The following NAA35 variants were observed in gnomAD, a reference collection of about 807,000 sequenced individuals.
NAA35 encodes the protein MAK10 homolog, amino-acid N-acetyltransferase subunit.
In NAA35, 18 loss-of-function variants were observed where a neutral mutation model predicts 101.7. The observed-to-expected ratio is 0.18, with a 90% CI of 0.12 to 0.26. The LOEUF (loss-of-function observed/expected upper bound fraction) is 0.26, where lower values mean the gene tolerates loss of function less well. Among genes scored for constraint, NAA35 ranks in the 10% least tolerant of loss-of-function variants. NAA35 has a pLI of 1.00. For missense variants in NAA35, 601 were observed against 886.8 expected (o/e 0.68, Z 4.09); for synonymous variants, 267 against 273.1 (o/e 0.98, Z 0.22).
chr9:85,959,658 AGAT>A (rs1465485794), intron 4 of NAA35, 132 bp from the exon 5 acceptor site: 1 of 557,790 alleles, frequency 1.8e-6, no homozygotes, highest in African/African-American at 1.9e-5. Flanking sequence ...TAGTTTTATC[AGAT>A]GATAAGATAG....
chr9:85,996,616 TA>T (rs752645607), intron 12 of NAA35, 39 bp downstream of exon 12: 83 of 1,412,078 alleles, frequency 5.9e-5, no homozygotes, highest in Middle Eastern at 2.6e-4. Context: ...AACTTCCATT[TA>T]AAAAAAATTG....
At chr9:85,963,645 T>C (rs1829619390) in intron 6 of NAA35, among the ~76,000 whole-genome samples, 2 of 152,184 alleles carry the variant, frequency 1.3e-5, no homozygotes, top group Non-Finnish European at 2.9e-5. Flanking sequence ...TGTATTGATA[T>C]GGGTATCATT....
intron 17 of NAA35, among the ~76,000 whole-genome samples, 189 bp downstream of exon 17, chr9:86,014,086 A>G (rs1482931652): frequency 1.3e-5 from 2 of 152,184 alleles, no homozygotes; most frequent in African/African-American, 4.8e-5. Context: ...GCATGAGTGT[A>G]TTTTTCCAAA....
In NAA35 at chr9:86,022,770, C is replaced by T. The variant is rs575842901; in HGVS notation, c.*810C>T. ...TCTGGCTTTGAAAAACTGACTACAT[C>T]CCCCTGTGCTTGCAAGTGCCTGCTG... On this transcript the variant is annotated 3_prime_UTR_variant, in exon 23 of 23. Transcript: ENST00000361671. 1.4e-3 allele frequency among the ~76,000 whole-genome samples: 214 copies of T among 152,266 alleles called. 3 individuals carry two copies. Among genetic ancestry groups the T allele is most frequent in the South Asian group, 1.2e-3 (6 of 4,826 alleles).
intron 14 of NAA35, among the ~76,000 whole-genome samples, chr9:86,007,745 C>CA (rs1831712374): frequency 6.6e-6 from 1 of 152,154 alleles, no homozygotes; most frequent in Admixed American, 6.5e-5. Context: ...AACATGCTGC[C>CA]ATCAGAGGCT....
chr9:85,941,271 T>C lies in NAA35; in HGVS notation c.-8T>C. Reference sequence around the variant, plus strand: ...GCGGCGCGGGTGACCACGGGAGAAGTAGGTAGGGACCGCCCCTGCGTAGCC... The same window carrying C: ...GCGGCGCGGGTGACCACGGGAGAAGCAGGTAGGGACCGCCCCTGCGTAGCC... On this transcript the variant is annotated splice_region_variant and 5_prime_UTR_variant, in exon 1 of 23. Coordinates refer to ENST00000361671, the MANE Select transcript of NAA35 (RefSeq NM_024635.4). The C allele has an allele frequency of 1.0e-6, 1 of 985,534 alleles. No individual in the cohort carries two copies. Among genetic ancestry groups the C allele is most frequent in the Non-Finnish European group, 1.2e-6 (1 of 830,136 alleles). The allele number at this position is 985,534 out of a possible 1,614,324, so 61.0% of individuals were successfully genotyped here.
rs532152146 is a variant in NAA35 at position 85,944,400 on chromosome 9, G to GATGAAA, written c.124+2119_124+2124dup. 2.0e-4 allele frequency among the ~76,000 whole-genome samples: 30 copies of GATGAAA among 152,336 alleles called. No individual in the cohort carries two copies. In the East Asian group the frequency reaches 5.0e-3, roughly 25 times the overall value. ...ACCAGCATAATTTATGATGGATTAG[G>GATGAAA]ATGAAAAGAGTCTACTTAGACAAGG... is the stretch of plus-strand genomic sequence containing the variant. On this transcript the variant is annotated intron_variant, in intron 2 of 22. Transcript: ENST00000361671.
chr9:86,018,941 G>T (rs749889650), intron 21 of NAA35, 120 bp downstream of exon 21: 42 of 1,264,022 alleles, frequency 3.3e-5, no homozygotes, highest in Non-Finnish European at 4.4e-5. Context: ...AGAACTTGGC[G>T]TGTTTCTGCG....
intron 12 of NAA35, among the ~76,000 whole-genome samples, chr9:86,001,869 C>G (rs73476917): frequency 0.085 from 12,894 of 152,020 alleles, 1,808 homozygotes; most frequent in African/African-American, 0.29. Context: ...CGTTTACATT[C>G]AGGTTAGTAT....
intron 2 of NAA35, among the ~76,000 whole-genome samples, chr9:85,944,652 A>T (rs1828680064): frequency 6.6e-6 from 1 of 152,232 alleles, no homozygotes; most frequent in Admixed American, 6.5e-5. Flanking sequence ...TGGAGTTCAA[A>T]GTACCTTGAT....
chr9:86,013,190 A>G (rs376249473), intron 16 of NAA35, 46 bp downstream of exon 16: 6 of 1,183,492 alleles, frequency 5.1e-6, no homozygotes, highest in East Asian at 4.7e-5. Flanking sequence ...TGATGCACAC[A>G]CTTTGTCCAG....
chr9:85,972,163 A>G (rs1275497053), intron 6 of NAA35, among the ~76,000 whole-genome samples: 1 of 152,084 alleles, frequency 6.6e-6, no homozygotes, highest in Non-Finnish European at 1.5e-5. Flanking sequence ...TTTTATGGAT[A>G]TTTTTGTTTT....
chr9:85,996,151 C>T (rs1831146311), intron 11 of NAA35, among the ~76,000 whole-genome samples: 1 of 152,072 alleles, frequency 6.6e-6, no homozygotes, highest in African/African-American at 2.4e-5. Context: ...TAGAAACTCC[C>T]CTCCATCACC....
Position 86,024,458 on chromosome 9 carries a change from C to A in NAA35, c.*2498C>A, listed in dbSNP as rs954283304. On this transcript the variant is annotated 3_prime_UTR_variant, in exon 23 of 23. Coordinates refer to ENST00000361671, the MANE Select transcript of NAA35 (RefSeq NM_024635.4). ...TCTACTGAAGGCTTGTATGCAGGGA[C>A]ATGATGGGATCAAGTCAAATCTGCT... Among the ~76,000 whole-genome samples, 1 of 152,094 alleles carries A rather than the reference C, an allele frequency of 6.6e-6. No homozygotes were observed. The highest frequency in any genetic ancestry group is 2.4e-5 in the African/African-American group (1 of 41,398).
intron 12 of NAA35, among the ~76,000 whole-genome samples, chr9:86,003,372 G>GT (rs969263131): frequency 1.3e-5 from 2 of 152,004 alleles, no homozygotes; most frequent in African/African-American, 2.4e-5. Context: ...TGATTGGTCA[G>GT]TTTTTTTAAG....
rs140252045 is a variant in NAA35 at position 86,025,233 on chromosome 9, C to T, written c.*3273C>T. Among the ~76,000 whole-genome samples the T allele has an allele frequency of 4.3e-4, 66 of 152,186 alleles. No individual in the cohort carries two copies. The highest frequency in any genetic ancestry group is 1.3e-3 in the African/African-American group (56 of 41,524). ...AATAAGCAGAATGAGGGCCATATGC[C>T]GCTCAGAGGCCATTAAGAGAAGGAC... is the stretch of plus-strand genomic sequence containing the variant. On this transcript the variant is annotated 3_prime_UTR_variant, in exon 23 of 23. Transcript: ENST00000361671.
intron 1 of NAA35, 138 bp from the exon 2 acceptor site, chr9:85,942,017 T>C (rs1049909948): frequency 1.5e-6 from 2 of 1,365,016 alleles, no homozygotes; most frequent in African/African-American, 2.9e-5. Flanking sequence ...TTTGCAGTAC[T>C]GTCCTTAGAC....
intron 2 of NAA35, among the ~76,000 whole-genome samples, chr9:85,942,559 T>C (rs991665702): frequency 6.6e-6 from 1 of 152,258 alleles, no homozygotes; most frequent in Non-Finnish European, 1.5e-5. Context: ...GAAAACACTT[T>C]GTTAATCTAA....
At chr9:85,942,703 C>G (rs931585149) in intron 2 of NAA35, among the ~76,000 whole-genome samples, 3 of 152,176 alleles carry the variant, frequency 2.0e-5, no homozygotes, top group African/African-American at 7.2e-5. Flanking sequence ...TCTATAAAAT[C>G]TGGTCCCTGC....
Sources: allele counts gnomAD v4.1 joint callset (sites outside exome capture counted in the v4.1 genomes callset), GRCh38; gene constraint gnomAD v4.1.1; transcripts MANE v1.5; gene names NCBI Gene and HGNC (gene_info 2026-07-23, HGNC 2026-07-21).